EYS: variants seen among roughly 807,000 people sequenced by gnomAD.
EYS encodes the protein protein eyes shut homolog.
In EYS, 250 loss-of-function variants were observed where a neutral mutation model predicts 282.1. That is an observed-to-expected ratio of 0.89 (90% CI 0.80 to 0.98). EYS has a LOEUF of 0.98. EYS is among the 50% of genes least tolerant of loss of function. EYS has a pLI of 0.00. For missense variants in EYS, 4,016 were observed against 3,709.0 expected, an observed-to-expected ratio of 1.08 and a Z score of -2.15; for synonymous variants, 1,355 against 1,282.9, an observed-to-expected ratio of 1.06 and a Z score of -1.20.
At chr6:64,570,243 G>T (rs1041896759) in intron 26 of EYS, among the ~76,000 whole-genome samples, 2 of 152,176 alleles carry the variant, frequency 1.3e-5, no homozygotes, top group Admixed American at 1.3e-4. Flanking sequence ...AGCAAATGCT[G>T]AGAGATTTTG....
At chr6:65,618,444 T>C (rs1766310052) in intron 2 of EYS, among the ~76,000 whole-genome samples, 1 of 152,266 alleles carries the variant, frequency 6.6e-6, no homozygotes, top group Non-Finnish European at 1.5e-5. Context: ...TTGTAGATTC[T>C]GGATATTAGC....
At chr6:64,614,603 T>C (rs2149847050) in intron 24 of EYS, among the ~76,000 whole-genome samples, 1 of 152,214 alleles carries the variant, frequency 6.6e-6, no homozygotes, top group South Asian at 2.1e-4. Flanking sequence ...GATAAACCCA[T>C]CAAAAGTTGA....
At chr6:65,433,938 C>G (rs1403212359) in intron 5 of EYS, among the ~76,000 whole-genome samples, 1 of 152,196 alleles carries the variant, frequency 6.6e-6, no homozygotes, top group Non-Finnish European at 1.5e-5. Context: ...CAAATCACTT[C>G]TGTGGCTTAA....
At chr6:64,050,934 G>T (rs1770789142) in intron 33 of EYS, among the ~76,000 whole-genome samples, 1 of 152,154 alleles carries the variant, frequency 6.6e-6, no homozygotes, top group Non-Finnish European at 1.5e-5. Context: ...TGAGAAAAGT[G>T]AATTCATTCT....
At chr6:65,488,604 T>G (rs556169362) in intron 5 of EYS, among the ~76,000 whole-genome samples, 2 of 152,198 alleles carry the variant, frequency 1.3e-5, no homozygotes, top group Admixed American at 6.5e-5. Flanking sequence ...ACTGACTTTC[T>G]TCACAGAATT....
intron 31 of EYS, among the ~76,000 whole-genome samples, chr6:64,226,554 A>G (rs1766258467): frequency 6.6e-6 from 1 of 152,116 alleles, no homozygotes; most frequent in African/African-American, 2.4e-5. Flanking sequence ...TCTGAACTTT[A>G]CAGTAGGAGA....
intron 30 of EYS, among the ~76,000 whole-genome samples, chr6:64,265,441 T>G (rs1460972674): frequency 2.0e-5 from 3 of 152,176 alleles, no homozygotes; most frequent in Non-Finnish European, 4.4e-5. Flanking sequence ...GATGCTAAAT[T>G]ATCTTGACTT....
chr6:64,877,440 CTCAA>C (rs759849913), intron 19 of EYS, among the ~76,000 whole-genome samples: 6 of 152,028 alleles, frequency 3.9e-5, no homozygotes, highest in South Asian at 2.1e-4. Context: ...GTTGAAATTC[CTCAA>C]TCAGTGAACA....
chr6:64,938,714 A>G (rs924021311), intron 15 of EYS, among the ~76,000 whole-genome samples: 2 of 151,632 alleles, frequency 1.3e-5, no homozygotes, highest in African/African-American at 2.4e-5. Flanking sequence ...GGTTCTGAGC[A>G]TGTTTAAGGG....
intron 35 of EYS, among the ~76,000 whole-genome samples, chr6:63,963,316 A>G (rs566056726): frequency 5.3e-5 from 8 of 152,296 alleles, no homozygotes; most frequent in Admixed American, 2.0e-4. Flanking sequence ...AAACCCAATC[A>G]TGTAACAAAG....
chr6:64,314,156 T>A (rs1208973458), intron 29 of EYS, among the ~76,000 whole-genome samples: 1 of 71,880 alleles, frequency 1.4e-5, no homozygotes. Flanking sequence ...AGGCTCAAAA[T>A]AAAGGGATGT....
chr6:64,215,567 A>T (rs1221991398), intron 31 of EYS, among the ~76,000 whole-genome samples: 2 of 152,090 alleles, frequency 1.3e-5, no homozygotes, highest in African/African-American at 2.4e-5. Context: ...AGTAATTTCT[A>T]TATTTTTTCA....
chr6:64,946,974 G>A (rs925659297), intron 14 of EYS, among the ~76,000 whole-genome samples: 1 of 151,824 alleles, frequency 6.6e-6, no homozygotes, highest in African/African-American at 2.4e-5. Context: ...CTGAACAGAG[G>A]TGAGAGTTGA....
chr6:64,076,699 A>C (rs1399723314), intron 32 of EYS, among the ~76,000 whole-genome samples: 1 of 151,842 alleles, frequency 6.6e-6, no homozygotes, highest in Admixed American at 6.6e-5. Flanking sequence ...GCCCCGTGGA[A>C]CTGTGAGTCC....
intron 29 of EYS, among the ~76,000 whole-genome samples, chr6:64,386,439 A>C (rs1456483228): frequency 1.3e-5 from 2 of 152,140 alleles, no homozygotes; most frequent in African/African-American, 4.8e-5. Context: ...CCCATTTACA[A>C]AACCATCACA....
chr6:64,806,474 A>G (rs1341761843), intron 22 of EYS, among the ~76,000 whole-genome samples: 3 of 152,048 alleles, frequency 2.0e-5, no homozygotes, highest in African/African-American at 7.2e-5. Context: ...GTGGTCCCTA[A>G]GAATATATAA....
rs147091740 is a variant in EYS, at chr6:65,373,893, C to T, written c.1299+10493G>A. Among the ~76,000 whole-genome samples, 23 of 152,172 alleles carry T rather than the reference C, an allele frequency of 1.5e-4. No individual in the cohort carries two copies. In the Middle Eastern group the frequency reaches 0.017, roughly 113 times the overall value. On this transcript the variant is annotated intron_variant, in intron 8 of 42. Transcript: ENST00000503581. ...ATTTCAGGCACATACTGCTGAACTG[C>T]CATTCAGTGGACTTATTACAAGTCA...
At chr6:63,793,936 A>G (rs1478187294) in intron 37 of EYS, among the ~76,000 whole-genome samples, 2 of 152,230 alleles carry the variant, frequency 1.3e-5, no homozygotes, top group African/African-American at 4.8e-5. Flanking sequence ...TGATGCACAC[A>G]TGGATGTCTG....
chr6:65,558,895 C>T (rs1053928173), intron 2 of EYS, among the ~76,000 whole-genome samples: 2 of 152,070 alleles, frequency 1.3e-5, no homozygotes, highest in Admixed American at 6.6e-5. Context: ...ATCCTAGTTT[C>T]CTTAATTATA....
Sources: gnomAD v4.1 joint callset for allele counts (sites outside exome capture counted in the v4.1 genomes callset) on GRCh38, gnomAD v4.1.1 for gene constraint, MANE v1.5 for transcripts, NCBI Gene and HGNC (gene_info 2026-07-23, HGNC 2026-07-21) for gene names.